PBX1: variants seen among roughly 807,000 people sequenced by gnomAD.
PBX1 encodes the protein PBX homeobox 1, also known as pre-B-cell leukemia transcription factor 1.
Under a neutral mutation model 53.4 loss-of-function variants are expected in PBX1, and 6 were observed. That is an observed-to-expected ratio of 0.11 (90% CI 0.06 to 0.22). The LOEUF is 0.22. Ranked by LOEUF, PBX1 falls within the 10% of genes least tolerant of loss-of-function variation. The pLI is 1.00. For missense variants in PBX1, 251 were observed against 551.4 expected (o/e 0.46, Z 5.46); for synonymous variants, 204 against 212.3 (o/e 0.96, Z 0.34).
chr1:164,625,825 G>GAA (rs764380201), intron 2 of PBX1: 2 of 422,180 alleles, frequency 4.7e-6, no homozygotes, highest in Non-Finnish European at 6.4e-6. Context: ...AAAAAAAAAA[G>GAA]AAAAAAAACA....
At chr1:164,613,618 A>T (rs550794585) in intron 2 of PBX1, among the ~76,000 whole-genome samples, 1 of 152,252 alleles carries the variant, frequency 6.6e-6, no homozygotes, top group East Asian at 1.9e-4. Flanking sequence ...GGGGGCCCAG[A>T]GCTCTCCCAC....
chr1:164,679,870 T>G (rs572798122), intron 2 of PBX1, among the ~76,000 whole-genome samples: 43 of 152,234 alleles, frequency 2.8e-4, no homozygotes, highest in African/African-American at 9.9e-4. Context: ...ATGGAAAACC[T>G]GAGGCTCAGA....
intron 8 of PBX1, among the ~76,000 whole-genome samples, chr1:164,834,661 G>A (rs891037659): frequency 6.6e-6 from 1 of 152,018 alleles, no homozygotes; most frequent in Non-Finnish European, 1.5e-5. Context: ...ATTTTTCATG[G>A]AAAGGAAAAA....
intron 2 of PBX1, among the ~76,000 whole-genome samples, chr1:164,618,202 C>A (rs1422916068): frequency 6.6e-6 from 1 of 152,102 alleles, no homozygotes; most frequent in East Asian, 1.9e-4. Context: ...TCCTCCCCGC[C>A]TCCCCACCAC....
chr1:164,743,910 G>A (rs1048985678), intron 2 of PBX1, among the ~76,000 whole-genome samples: 20 of 152,152 alleles, frequency 1.3e-4, no homozygotes, highest in African/African-American at 3.6e-4. Context: ...TCCTAGCTGC[G>A]AGGGAGGCTA....
intron 2 of PBX1, among the ~76,000 whole-genome samples, chr1:164,616,699 A>G (rs1657303008): frequency 6.6e-6 from 1 of 152,172 alleles, no homozygotes; most frequent in African/African-American, 2.4e-5. Flanking sequence ...CCAAAATTGC[A>G]TGTTCCCAAT....
chr1:164,615,733 AC>A (rs1233822895), intron 2 of PBX1, among the ~76,000 whole-genome samples: 2 of 152,224 alleles, frequency 1.3e-5, no homozygotes, highest in Non-Finnish European at 2.9e-5. Context: ...GTTAGTTAGA[AC>A]AGCATTTAAT....
intron 3 of PBX1, among the ~76,000 whole-genome samples, chr1:164,796,657 A>G (rs1233372596): frequency 6.6e-6 from 1 of 152,226 alleles, no homozygotes; most frequent in Non-Finnish European, 1.5e-5. Flanking sequence ...CTTAAACCTT[A>G]TACAAGACTT....
At chr1:164,824,189 A>G (rs1403614712) in intron 8 of PBX1, among the ~76,000 whole-genome samples, 7 of 152,186 alleles carry the variant, frequency 4.6e-5, no homozygotes, top group Non-Finnish European at 8.8e-5. Context: ...CTTTCACAGC[A>G]CCCATATCTT....
At chr1:164,822,597 T>G (rs1266426005) in intron 8 of PBX1, among the ~76,000 whole-genome samples, 1 of 152,214 alleles carries the variant, frequency 6.6e-6, no homozygotes, top group Non-Finnish European at 1.5e-5. Context: ...ACTGCGTTGG[T>G]CAAGTCATAC....
intron 2 of PBX1, among the ~76,000 whole-genome samples, chr1:164,667,412 A>ATGTG (rs59721347): frequency 0.058 from 8,536 of 147,402 alleles, 280 homozygotes; most frequent in South Asian, 0.13. Flanking sequence ...TATGTATAAT[A>ATGTG]TGTGTGTGTG....
intron 2 of PBX1, among the ~76,000 whole-genome samples, chr1:164,692,054 A>G (rs1178411126): frequency 1.3e-5 from 2 of 152,236 alleles, no homozygotes; most frequent in African/African-American, 4.8e-5. Flanking sequence ...AAAATTCCAA[A>G]ATCTGAAGAC....
chr1:164,717,272 G>A (rs776165638), intron 2 of PBX1, among the ~76,000 whole-genome samples: 2 of 152,142 alleles, frequency 1.3e-5, no homozygotes, highest in Non-Finnish European at 2.9e-5. Context: ...TGGGTTTTAT[G>A]AGGTCCTGTT....
intron 2 of PBX1, among the ~76,000 whole-genome samples, chr1:164,628,609 A>G (rs1354942727): frequency 6.6e-6 from 1 of 152,180 alleles, no homozygotes; most frequent in Non-Finnish European, 1.5e-5. Context: ...TAAATTAAGG[A>G]TATTGGTAAA....
At chr1:164,813,863 G>A (rs1669744609) in intron 6 of PBX1, 1 of 152,130 alleles carries the variant, frequency 6.6e-6, no homozygotes, top group African/African-American at 2.4e-5. Context: ...TAAGAAATAT[G>A]GTTGCCTCTT....
chr1:164,597,177 A>G (rs1048747209), intron 2 of PBX1, among the ~76,000 whole-genome samples: 4 of 152,254 alleles, frequency 2.6e-5, no homozygotes, highest in African/African-American at 9.6e-5. Context: ...TATTCATTAA[A>G]AAGTCTGAAA....
intron 2 of PBX1, among the ~76,000 whole-genome samples, chr1:164,791,473 G>C (rs535705772): frequency 9.2e-5 from 14 of 152,314 alleles, no homozygotes; most frequent in African/African-American, 3.4e-4. Context: ...AATGTTTGGA[G>C]CTAAACGACC....
chr1:164,726,889 G>A lies in PBX1; in HGVS notation c.266-65605G>A, dbSNP rs149998933. 1.5e-3 allele frequency among the ~76,000 whole-genome samples: 235 copies of A among 152,290 alleles called. 1 individual carries two copies. The highest frequency in any genetic ancestry group is 5.0e-3 in the African/African-American group (209 of 41,556). ...GTCAGAATCCCTTCATGTGGAGGCAGAATTGGGGCTCAGCTTTTGTCTTAG... is the reference window on the plus strand; with the variant it reads ...GTCAGAATCCCTTCATGTGGAGGCAAAATTGGGGCTCAGCTTTTGTCTTAG... On this transcript the variant is annotated intron_variant, in intron 2 of 8. Transcript: ENST00000420696.
intron 2 of PBX1, among the ~76,000 whole-genome samples, chr1:164,565,770 CT>C (rs1653394776): frequency 1.3e-5 from 2 of 149,266 alleles, no homozygotes; most frequent in African/African-American, 4.9e-5. Context: ...TTTTCCCCCT[CT>C]TCTTCTTGAT....
Sources: allele counts gnomAD v4.1 joint callset (sites outside exome capture counted in the v4.1 genomes callset), GRCh38; gene constraint gnomAD v4.1.1; transcripts MANE v1.5; gene names NCBI Gene and HGNC (gene_info 2026-07-23, HGNC 2026-07-21).